Variants in SYTL4 observed in about 807,000 individuals in gnomAD.
SYTL4 encodes the protein synaptotagmin-like protein 4.
A neutral mutation model predicts 52.7 loss-of-function variants in SYTL4; 16 were observed. The ratio of observed to expected loss-of-function variants is 0.30; its 90% CI spans 0.21 to 0.46. SYTL4 has a LOEUF of 0.46. SYTL4 is among the 20% of genes least tolerant of loss of function. SYTL4 has a pLI of 1.00. For synonymous variants in SYTL4, 160 were observed against 186.6 expected (o/e 0.86, Z 1.16); for missense variants, 423 against 519.9 (o/e 0.81, Z 1.81).
At chrX:100,720,172 A>G (rs894582066) in intron 2 of SYTL4, among the ~76,000 whole-genome samples, 12 of 112,225 alleles carry the variant, frequency 1.1e-4, no homozygotes, top group Admixed American at 6.6e-4. Context: ...CCAGCTTTCA[A>G]AATCTACATT....
intron 2 of SYTL4, among the ~76,000 whole-genome samples, chrX:100,729,588 G>A (rs2084596961): frequency 9.0e-6 from 1 of 111,264 alleles, no homozygotes; most frequent in Admixed American, 9.6e-5. Context: ...TGGTATGTCC[G>A]GTTACTGGCA....
chrX:100,712,152 T>C (rs1045946327), intron 2 of SYTL4, among the ~76,000 whole-genome samples: 3 of 112,043 alleles, frequency 2.7e-5, no homozygotes, highest in East Asian at 5.6e-4. Flanking sequence ...AAGGAAGTCC[T>C]TGAAGCAGAA....
At chrX:100,720,040 G>A (rs749205615) in intron 2 of SYTL4, among the ~76,000 whole-genome samples, 4 of 112,020 alleles carry the variant, frequency 3.6e-5, no homozygotes, top group Non-Finnish European at 7.5e-5. Flanking sequence ...AATCCTAGAA[G>A]GCAGATTTCC....
At chrX:100,707,425 C>T (rs950504322) in intron 2 of SYTL4, among the ~76,000 whole-genome samples, 2 of 111,210 alleles carry the variant, frequency 1.8e-5, no homozygotes, top group East Asian at 5.6e-4. Context: ...GAGGAAAATA[C>T]CTGCCTCCTA....
intron 2 of SYTL4, among the ~76,000 whole-genome samples, chrX:100,718,715 GT>G (rs766819449): frequency 9.0e-6 from 1 of 111,423 alleles, no homozygotes; most frequent in Non-Finnish European, 1.9e-5. Context: ...TTGCAGTAAG[GT>G]TTTGGCTCCC....
intron 5 of SYTL4, 43 bp downstream of exon 5, chrX:100,701,885 T>A: frequency 9.7e-7 from 1 of 1,033,825 alleles, no homozygotes; most frequent in East Asian, 3.1e-5. Flanking sequence ...CAGACATCAT[T>A]GGTCAAAGGC....
At chrX:100,731,267 C>T (rs930668398) in intron 2 of SYTL4, 151 bp downstream of exon 2, 1 of 111,638 alleles carries the variant, frequency 9.0e-6, no homozygotes, top group Non-Finnish European at 1.9e-5. Flanking sequence ...TCTGAGATCT[C>T]GGGGACCCTC....
chrX:100,717,307 A>T (rs1016358617), intron 2 of SYTL4, among the ~76,000 whole-genome samples: 9 of 112,512 alleles, frequency 8.0e-5, no homozygotes, highest in African/African-American at 1.6e-4. Context: ...TTATAAGAAT[A>T]CCAAGGGAGG....
intron 2 of SYTL4, among the ~76,000 whole-genome samples, chrX:100,715,945 C>CAA (rs769194042): frequency 3.0e-4 from 16 of 53,540 alleles, no homozygotes; most frequent in African/African-American, 4.5e-4. Context: ...CTCTCTCTCT[C>CAA]AAAAAAAAAA....
At position 100,690,650 on chromosome X, in the gene SYTL4, T is replaced by C; in HGVS notation, c.642-12A>G. ...CCAGAGAGTCTCTCCTGGAGGTAGA[T>C]TCAGAAATTATAACTAAGTCACCTC... On this transcript the variant is annotated splice_polypyrimidine_tract_variant and intron_variant, in intron 9 of 19. Coordinates refer to ENST00000372989, the MANE Select transcript of SYTL4 (RefSeq NM_001370165.1). The C allele has an allele frequency of 8.5e-7, 1 of 1,173,326 alleles. No homozygotes were observed. The highest frequency in any genetic ancestry group is 1.2e-6 in the Non-Finnish European group (1 of 864,880).
At chrX:100,698,930 T>G (rs2083774146) in intron 8 of SYTL4, among the ~76,000 whole-genome samples, 1 of 111,833 alleles carries the variant, frequency 8.9e-6, no homozygotes, top group African/African-American at 3.2e-5. Flanking sequence ...TAACAAATAG[T>G]GGGGATAGAA....
chrX:100,723,598 G>A (rs1291609510), intron 2 of SYTL4, among the ~76,000 whole-genome samples: 1 of 110,972 alleles, frequency 9.0e-6, no homozygotes, highest in Non-Finnish European at 1.9e-5. Context: ...TAGGAAGTGA[G>A]GAGCGCCTCA....
intron 2 of SYTL4, among the ~76,000 whole-genome samples, chrX:100,725,208 C>G (rs534639139): frequency 4.2e-4 from 47 of 111,226 alleles, no homozygotes; most frequent in African/African-American, 1.5e-3. Context: ...AGGGAATGGC[C>G]GTAGAGACTA....
chrX:100,697,686 G>T (rs2083732574), intron 8 of SYTL4, among the ~76,000 whole-genome samples: 1 of 109,983 alleles, frequency 9.1e-6, no homozygotes, highest in Non-Finnish European at 1.9e-5. Flanking sequence ...AGAGAAAGAA[G>T]ATTAGAGCAA....
At chrX:100,680,863 T>C (rs2083360070) in intron 17 of SYTL4, among the ~76,000 whole-genome samples, 1 of 111,194 alleles carries the variant, frequency 9.0e-6, no homozygotes, top group African/African-American at 3.3e-5. Context: ...ACACAGCAGC[T>C]GGCATGTTGA....
At chrX:100,679,178 T>C (rs2083331324) in intron 18 of SYTL4, 135 bp downstream of exon 18, 2 of 479,821 alleles carry the variant, frequency 4.2e-6, no homozygotes, top group African/African-American at 4.8e-5. Flanking sequence ...GTTTTGTCAT[T>C]ACCTAATTTC....
chrX:100,731,087 TG>T (rs958933315), intron 2 of SYTL4, among the ~76,000 whole-genome samples: 1 of 111,728 alleles, frequency 9.0e-6, no homozygotes, highest in African/African-American at 3.3e-5. Context: ...AGCAGGGTAC[TG>T]GGGGAAGAAA....
intron 2 of SYTL4, among the ~76,000 whole-genome samples, chrX:100,728,403 GA>G (rs2084565717): frequency 8.9e-6 from 1 of 111,909 alleles, no homozygotes; most frequent in Non-Finnish European, 1.9e-5. Context: ...CATCCTGGTA[GA>G]AAACTAGTTA....
intron 2 of SYTL4, among the ~76,000 whole-genome samples, chrX:100,722,166 T>A (rs2084354844): frequency 9.0e-6 from 1 of 111,568 alleles, no homozygotes; most frequent in African/African-American, 3.3e-5. Context: ...ACTGCAAATA[T>A]CTGATTTAAA....
Sources: allele counts gnomAD v4.1 joint callset (sites outside exome capture counted in the v4.1 genomes callset), GRCh38; gene constraint gnomAD v4.1.1; transcripts MANE v1.5; gene names NCBI Gene and HGNC (gene_info 2026-07-23, HGNC 2026-07-21).